BBS9: variants seen among roughly 807,000 people sequenced by gnomAD.
The protein encoded by BBS9 is Bardet-Biedl syndrome 9.
Under a neutral mutation model 117.7 loss-of-function variants are expected in BBS9, and 89 were observed. That is an observed-to-expected ratio of 0.76 (90% CI 0.64 to 0.90). The LOEUF (loss-of-function observed/expected upper bound fraction) is 0.90. Ranked by LOEUF, BBS9 falls within the 40% of genes least tolerant of loss-of-function variation. The pLI is 0.00. For synonymous variants in BBS9, 379 were observed against 370.9 expected (o/e 1.02, Z -0.25); for missense variants, 982 against 1,042.2 (o/e 0.94, Z 0.80).
chr7:33,503,227 G>A (rs867093727), intron 19 of BBS9, among the ~76,000 whole-genome samples: 1 of 152,240 alleles, frequency 6.6e-6, no homozygotes, highest in East Asian at 1.9e-4. Context: ...ACAGCAGAGC[G>A]TTAAACAAGT....
At chr7:33,159,980 T>C (rs1293322434) in intron 4 of BBS9, among the ~76,000 whole-genome samples, 1 of 152,172 alleles carries the variant, frequency 6.6e-6, no homozygotes. Context: ...TCTTTGTTAG[T>C]TCCCTGTAAC....
chr7:33,232,905 T>A (rs541740190), intron 5 of BBS9, among the ~76,000 whole-genome samples: 1 of 152,296 alleles, frequency 6.6e-6, no homozygotes, highest in South Asian at 2.1e-4. Context: ...GTAGGCAAAT[T>A]TAAGGAAAGT....
rs370007461 is a variant in BBS9 at position 33,228,536 on chromosome 7, G to A, written c.443-28700G>A. Among the ~76,000 whole-genome samples the A allele has an allele frequency of 1.0e-3, 152 of 152,110 alleles. 3 individuals carry two copies. Among genetic ancestry groups the A allele is most frequent in the Middle Eastern group, 6.8e-3 (2 of 294 alleles). ...TTAGGGATGCTGACCCCTCCTTTAAGTCAAATATCCACGTATAACTTTTGA... is the reference window on the plus strand; with the variant it reads ...TTAGGGATGCTGACCCCTCCTTTAAATCAAATATCCACGTATAACTTTTGA... On this transcript the variant is annotated intron_variant, in intron 5 of 22. Transcript: ENST00000242067.
At chr7:33,270,650 C>T (rs7789301) in intron 7 of BBS9, among the ~76,000 whole-genome samples, 5,850 of 152,096 alleles carry the variant, frequency 0.038, 197 homozygotes, top group African/African-American at 0.088. Flanking sequence ...ATAAGACAGT[C>T]AGACAAAAAT....
At chr7:33,600,644 C>T (rs1003176664) in intron 21 of BBS9, among the ~76,000 whole-genome samples, 2 of 152,294 alleles carry the variant, frequency 1.3e-5, no homozygotes, top group African/African-American at 4.8e-5. Flanking sequence ...TGCCACACCC[C>T]ACTGCATCCA....
At chr7:33,562,120 T>C (rs1363452830) in intron 21 of BBS9, among the ~76,000 whole-genome samples, 1 of 152,244 alleles carries the variant, frequency 6.6e-6, no homozygotes, top group Non-Finnish European at 1.5e-5. Context: ...TAATTGAAGA[T>C]TGTATTAATG....
chr7:33,342,370 T>C (rs2128640452), intron 11 of BBS9, among the ~76,000 whole-genome samples: 1 of 152,266 alleles, frequency 6.6e-6, no homozygotes, highest in Admixed American at 6.5e-5. Context: ...TGTACACATA[T>C]TTTCTTGCTG....
chr7:33,303,532 C>CCCA (rs1318034573), intron 9 of BBS9, among the ~76,000 whole-genome samples: 1 of 130,068 alleles, frequency 7.7e-6, no homozygotes, highest in South Asian at 2.8e-4. Context: ...TCCCCCCGCC[C>CCCA]CTTCTTTCTT....
intron 12 of BBS9, among the ~76,000 whole-genome samples, chr7:33,348,563 T>C (rs1818031194): frequency 6.6e-6 from 1 of 152,192 alleles, no homozygotes; most frequent in Non-Finnish European, 1.5e-5. Flanking sequence ...GGTGGACCTA[T>C]GTTTTCGTTT....
intron 19 of BBS9, among the ~76,000 whole-genome samples, chr7:33,424,795 G>T (rs549498156): frequency 3.9e-5 from 6 of 152,004 alleles, no homozygotes; most frequent in South Asian, 2.1e-4. Context: ...GTACTTCCTT[G>T]TTTAGCTGCT....
intron 5 of BBS9, among the ~76,000 whole-genome samples, chr7:33,203,926 T>A (rs1348548593): frequency 6.6e-6 from 1 of 150,734 alleles, no homozygotes; most frequent in Admixed American, 6.6e-5. Flanking sequence ...TTTCACCATA[T>A]TGGCCAGGCT....
intron 9 of BBS9, among the ~76,000 whole-genome samples, chr7:33,281,664 T>C (rs556774531): frequency 6.6e-6 from 1 of 151,656 alleles, no homozygotes; most frequent in African/African-American, 2.4e-5. Context: ...GTGTGAGCCA[T>C]TGTGTCTGGC....
intron 21 of BBS9, among the ~76,000 whole-genome samples, chr7:33,601,600 C>A (rs1863802927): frequency 6.6e-6 from 1 of 152,062 alleles, no homozygotes; most frequent in South Asian, 2.1e-4. Context: ...TGGGATGGGG[C>A]CTGAGATTCT....
intron 5 of BBS9, among the ~76,000 whole-genome samples, chr7:33,190,348 A>G (rs546023679): frequency 5.3e-5 from 8 of 152,284 alleles, no homozygotes; most frequent in African/African-American, 1.7e-4. Flanking sequence ...ACCTGTTAAC[A>G]CACAACTCAA....
chr7:33,134,215 A>ATTTTTTTTTTTTTTTTT (rs59609414), intron 1 of BBS9, among the ~76,000 whole-genome samples: 1 of 118,056 alleles, frequency 8.5e-6, no homozygotes. Context: ...ACGCCTGGCT[A>ATTTTTTTTTTTTTTTTT]TTTTTTTTTT....
intron 19 of BBS9, among the ~76,000 whole-genome samples, chr7:33,413,643 C>T (rs997883934): frequency 6.6e-6 from 1 of 151,828 alleles, no homozygotes; most frequent in African/African-American, 2.4e-5. Flanking sequence ...AGAGAGCCAA[C>T]AGTTGCGTGT....
intron 4 of BBS9, among the ~76,000 whole-genome samples, chr7:33,167,249 G>A (rs1389837157): frequency 1.3e-5 from 2 of 152,084 alleles, no homozygotes; most frequent in African/African-American, 4.8e-5. Flanking sequence ...TTGGATCATG[G>A]AGTTCGTTCA....
chr7:33,624,460 A>G (rs76218955), intron 21 of BBS9, among the ~76,000 whole-genome samples: 109 of 152,202 alleles, frequency 7.2e-4, no homozygotes, highest in African/African-American at 2.6e-3. Context: ...CATCCTGTAA[A>G]CATTCTGTTT....
At chr7:33,262,342 A>T (rs1798100838) in intron 6 of BBS9, among the ~76,000 whole-genome samples, 1 of 152,188 alleles carries the variant, frequency 6.6e-6, no homozygotes, top group Non-Finnish European at 1.5e-5. Context: ...TAACAATCTC[A>T]TGAATATCTA....
Sources: gnomAD v4.1 joint callset for allele counts (sites outside exome capture counted in the v4.1 genomes callset) on GRCh38, gnomAD v4.1.1 for gene constraint, MANE v1.5 for transcripts, NCBI Gene and HGNC (gene_info 2026-07-23, HGNC 2026-07-21) for gene names.